Variants in MORC1 observed in about 807,000 individuals in gnomAD.
MORC1 encodes MORC family CW-type zinc finger protein 1.
MORC1 carries 59 observed loss-of-function variants against 134.9 expected under a neutral mutation model. The observed-to-expected ratio is 0.44, with a 90% CI of 0.35 to 0.54. The LOEUF (loss-of-function observed/expected upper bound fraction) is 0.54, where lower values mean the gene tolerates loss of function less well. Among genes scored for constraint, MORC1 ranks in the 20% least tolerant of loss-of-function variants. The probability of loss-of-function intolerance (pLI) is 0.00; values close to 1 mark genes in which losing one functional copy is unlikely to be tolerated. For synonymous variants in MORC1, 395 were observed against 391.7 expected, an observed-to-expected ratio of 1.01 and a Z score of -0.10; for missense variants, 947 against 1,134.5, an observed-to-expected ratio of 0.83 and a Z score of 2.37.
At chr3:109,047,181 T>C (rs1949714022) in intron 14 of MORC1, among the ~76,000 whole-genome samples, 1 of 152,166 alleles carries the variant, frequency 6.6e-6, no homozygotes, top group South Asian at 2.1e-4. Context: ...ACAGTCCTCA[T>C]ATTGTACATT....
chr3:109,027,978 T>C, intron 16 of MORC1, 89 bp from the exon 17 acceptor site: 1 of 1,391,124 alleles, frequency 7.2e-7, no homozygotes, highest in Non-Finnish European at 9.7e-7. Flanking sequence ...TACAAGGAGT[T>C]ACTCTTTATG....
intron 12 of MORC1, 120 bp downstream of exon 12, chr3:109,059,686 A>T (rs932108995): frequency 5.7e-6 from 4 of 699,618 alleles, no homozygotes; most frequent in Non-Finnish European, 9.3e-6. Flanking sequence ...TTCAGATTAT[A>T]AGATGTCACA....
intron 16 of MORC1, among the ~76,000 whole-genome samples, chr3:109,029,023 G>T: frequency 6.6e-6 from 1 of 152,170 alleles, no homozygotes; most frequent in African/African-American, 2.4e-5. Context: ...TGAGGATCGA[G>T]AGAGGACTTT....
chr3:109,019,892 G>T (rs1289128857), intron 17 of MORC1, among the ~76,000 whole-genome samples: 1 of 152,126 alleles, frequency 6.6e-6, no homozygotes, highest in Non-Finnish European at 1.5e-5. Context: ...GAAATCTTGG[G>T]GGAGAGATTG....
chr3:109,111,258 T>C (rs1415195435), intron 2 of MORC1, among the ~76,000 whole-genome samples: 2 of 152,176 alleles, frequency 1.3e-5, no homozygotes, highest in East Asian at 1.9e-4. Flanking sequence ...TGGAAAACTA[T>C]AGCCACGGAC....
At chr3:109,091,379 G>T (rs1273625803) in intron 8 of MORC1, among the ~76,000 whole-genome samples, 2 of 151,846 alleles carry the variant, frequency 1.3e-5, no homozygotes, top group African/African-American at 4.8e-5. Flanking sequence ...AGGAGGCAGA[G>T]GTTGCAGTGA....
intron 21 of MORC1, 52 bp from the exon 22 acceptor site, chr3:108,987,001 T>C (rs765523004): frequency 1.2e-5 from 16 of 1,369,416 alleles, no homozygotes; most frequent in South Asian, 3.1e-5. Flanking sequence ...GGACATATTA[T>C]AAACTTGACA....
intron 24 of MORC1, among the ~76,000 whole-genome samples, chr3:108,975,703 T>C (rs966118830): frequency 1.3e-5 from 2 of 152,200 alleles, no homozygotes; most frequent in African/African-American, 2.4e-5. Flanking sequence ...AGCTATCATA[T>C]GCAAAGCCCT....
At chr3:109,106,348 G>A (rs1232103993) in intron 3 of MORC1, among the ~76,000 whole-genome samples, 3 of 152,172 alleles carry the variant, frequency 2.0e-5, no homozygotes, top group East Asian at 3.9e-4. Context: ...ATTCCCATCA[G>A]ACATATACTA....
chr3:109,006,441 T>C (rs574639110), intron 18 of MORC1, among the ~76,000 whole-genome samples: 3 of 152,210 alleles, frequency 2.0e-5, no homozygotes, highest in African/African-American at 4.8e-5. Flanking sequence ...AAATACATTA[T>C]GTATATCAGA....
At chr3:109,114,074 T>C (rs1014359148) in intron 2 of MORC1, among the ~76,000 whole-genome samples, 4 of 152,350 alleles carry the variant, frequency 2.6e-5, no homozygotes, top group African/African-American at 9.6e-5. Flanking sequence ...CCCAAATACA[T>C]GTGTAAATTC....
At chr3:109,095,957 C>T (rs1250837505) in intron 6 of MORC1, among the ~76,000 whole-genome samples, 5 of 152,016 alleles carry the variant, frequency 3.3e-5, no homozygotes, top group Non-Finnish European at 7.4e-5. Flanking sequence ...TCAGGAGTAA[C>T]GGCCATCTAA....
chr3:109,105,185 C>G (rs1951003720), intron 3 of MORC1, among the ~76,000 whole-genome samples: 1 of 151,868 alleles, frequency 6.6e-6, no homozygotes, highest in Non-Finnish European at 1.5e-5. Context: ...GAGTTCAAGA[C>G]CAGCCTGGCC....
At chr3:109,067,213 G>A (rs1420370834) in intron 9 of MORC1, among the ~76,000 whole-genome samples, 1 of 152,078 alleles carries the variant, frequency 6.6e-6, no homozygotes, top group African/African-American at 2.4e-5. Flanking sequence ...ATGGGTCTAT[G>A]GTTAAGCAAT....
At chr3:108,974,991 C>T (rs770665205) in intron 24 of MORC1, among the ~76,000 whole-genome samples, 10 of 152,178 alleles carry the variant, frequency 6.6e-5, no homozygotes, top group African/African-American at 9.6e-5. Flanking sequence ...TGAAAAGTTC[C>T]AGCTAAGGGC....
rs1384648684 is a variant in MORC1 at position 109,081,203 on chromosome 3, CA to C, written c.690-11447del. On this transcript the variant is annotated intron_variant, in intron 8 of 27. Coordinates refer to ENST00000232603, the MANE Select transcript of MORC1 (RefSeq NM_014429.4). ...AGAAAAATGTTGACAGATACAAGCT[CA>C]AAAAAATTGAAAAATTTTATAAGAC... Among the ~76,000 whole-genome samples, 3 of 151,972 alleles carry C rather than the reference CA, an allele frequency of 2.0e-5. No individual in the cohort carries two copies. The East Asian group carries it at 5.8e-4, about 29-fold the overall frequency.
Position 109,094,988 on chromosome 3 carries a change from T to C in MORC1, c.504A>G (p.Leu168=). Reference sequence around the variant, plus strand: ...ATGGGGAGTATTTATAAATTATAGATAATTCCATTGCAAATTTCTGGGGAT... The same window carrying C: ...ATGGGGAGTATTTATAAATTATAGACAATTCCATTGCAAATTTCTGGGGAT... ...TDDPQKFAME[L]SIIYKYSPFK... Residue 168 remains leucine (L), a synonymous_variant, in exon 7 of 28, where the codon TTA becomes TTG. Coordinates refer to ENST00000232603, the MANE Select transcript of MORC1 (RefSeq NM_014429.4). The C allele has an allele frequency of 6.3e-7, 1 of 1,595,172 alleles. No individual in the cohort carries two copies. The highest frequency in any genetic ancestry group is 8.5e-7 in the Non-Finnish European group (1 of 1,174,548).
chr3:109,086,904 T>C (rs1950625178), intron 8 of MORC1, among the ~76,000 whole-genome samples: 1 of 152,072 alleles, frequency 6.6e-6, no homozygotes, highest in South Asian at 2.1e-4. Context: ...TTAAAAATGG[T>C]AAGTTATATC....
At chr3:109,039,025 T>G (rs766772185) in intron 14 of MORC1, among the ~76,000 whole-genome samples, 2 of 152,158 alleles carry the variant, frequency 1.3e-5, no homozygotes, top group Non-Finnish European at 2.9e-5. Context: ...CAAGCAATTC[T>G]CATGACTCAG....
Sources: allele counts gnomAD v4.1 joint callset (sites outside exome capture counted in the v4.1 genomes callset), GRCh38; gene constraint gnomAD v4.1.1; transcripts MANE v1.5; gene names NCBI Gene and HGNC (gene_info 2026-07-23, HGNC 2026-07-21).